Variants in LRRC37A2 observed in about 807,000 individuals in gnomAD.
LRRC37A2 encodes leucine-rich repeat-containing protein 37A2.
Under a neutral mutation model 68.8 loss-of-function variants are expected in LRRC37A2, and 9 were observed. That is an observed-to-expected ratio of 0.13 (90% CI 0.08 to 0.23). LRRC37A2 has a LOEUF of 0.23. Ranked by LOEUF, LRRC37A2 falls within the 10% of genes least tolerant of loss-of-function variation. The pLI, the probability that LRRC37A2 is intolerant of heterozygous loss-of-function variation, is 1.00. For synonymous variants in LRRC37A2, 63 were observed against 367.6 expected (o/e 0.17, Z 9.48); for missense variants, 168 against 950.4 (o/e 0.18, Z 10.82).
the LRRC37A2 span, among the ~76,000 whole-genome samples, chr17:46,461,996 T>C: frequency 2.7e-5 from 2 of 73,680 alleles, no homozygotes; most frequent in East Asian, 5.1e-4. Flanking sequence ...AAACTCCATG[T>C]CAAAAAAAAA....
chr17:46,771,461 C>T, the LRRC37A2 span, among the ~76,000 whole-genome samples: 1 of 149,986 alleles, frequency 6.7e-6, no homozygotes. Context: ...GCCCGGGCCC[C>T]GGGCCGCGCT....
chr17:46,885,081 C>T, the LRRC37A2 span: 47 of 438,520 alleles, frequency 1.1e-4, no homozygotes, highest in Admixed American at 4.7e-4. Context: ...CTCCACCTCC[C>T]GGATTCAAGC....
the LRRC37A2 span, among the ~76,000 whole-genome samples, chr17:47,023,060 C>A: frequency 1.3e-5 from 2 of 152,208 alleles, no homozygotes; most frequent in East Asian, 3.8e-4. Context: ...CTTTTCACTG[C>A]TGGGTATTCT....
chr17:46,936,240 C>T, the LRRC37A2 span: 1 of 985,430 alleles, frequency 1.0e-6, no homozygotes, highest in Non-Finnish European at 1.2e-6. Flanking sequence ...AAAACTGCTA[C>T]TCTCCTTTTC....
chr17:46,440,397 ATTTTT>A, the LRRC37A2 span, among the ~76,000 whole-genome samples: 2 of 64,076 alleles, frequency 3.1e-5, no homozygotes, highest in African/African-American at 8.7e-5. Context: ...ATTTTATTTT[ATTTTT>A]TTTTTTTTTG....
the LRRC37A2 span, among the ~76,000 whole-genome samples, chr17:46,895,119 T>G: frequency 6.6e-5 from 10 of 152,290 alleles, no homozygotes; most frequent in East Asian, 1.9e-3. Context: ...AAGGTGGCCT[T>G]AGGCCCTCCC....
At chr17:46,810,290 A>G in the LRRC37A2 span, among the ~76,000 whole-genome samples, 1 of 152,098 alleles carries the variant, frequency 6.6e-6, no homozygotes, top group Non-Finnish European at 1.5e-5. Flanking sequence ...TTACAGGCGT[A>G]AGCCCCATGC....
the LRRC37A2 span, among the ~76,000 whole-genome samples, chr17:46,710,248 C>T: frequency 1.3e-5 from 2 of 152,166 alleles, no homozygotes; most frequent in African/African-American, 4.8e-5. Context: ...ATTGTAAATA[C>T]TAAAGTTATT....
At chr17:46,992,853 C>CAAAAAAAAAAAAAAAAA in the LRRC37A2 span, among the ~76,000 whole-genome samples, 1 of 65,166 alleles carries the variant, frequency 1.5e-5, no homozygotes, top group Non-Finnish European at 2.6e-5. Flanking sequence ...AACTCCATCT[C>CAAAAAAAAAAAAAAAAA]AAAAAAAAAA....
chr17:46,981,107 C>T, the LRRC37A2 span, among the ~76,000 whole-genome samples: 1 of 152,162 alleles, frequency 6.6e-6, no homozygotes, highest in Non-Finnish European at 1.5e-5. Flanking sequence ...ATAATGCAGG[C>T]AAAAGATGCT....
chr17:46,801,397 A>T, the LRRC37A2 span, among the ~76,000 whole-genome samples: 6 of 152,060 alleles, frequency 3.9e-5, no homozygotes, highest in East Asian at 1.9e-4. Flanking sequence ...AGGTGGGCAC[A>T]TCACCTGAGG....
At position 46,521,645 on chromosome 17, in the gene LRRC37A2, G is replaced by T. The variant is rs1341048160; in HGVS notation, c.2753+1362G>T. 5.6e-5 allele frequency among the ~76,000 whole-genome samples: 4 copies of T among 71,616 alleles called. 1 individual carries two copies. Among genetic ancestry groups the T allele is most frequent in the African/African-American group, 1.9e-4 (4 of 20,926 alleles). The allele number at this position is 71,616 out of a possible 152,430, so 47.0% of individuals were successfully genotyped here. On this transcript the variant is annotated intron_variant, in intron 4 of 14. Transcript: ENST00000576629. ...TCTCGAACATAGAAGAGGAAAAAAT[G>T]CCTTCAATTTGGACCCAGGAGGATG...
chr17:46,945,208 G>A, the LRRC37A2 span, among the ~76,000 whole-genome samples: 2 of 152,178 alleles, frequency 1.3e-5, no homozygotes, highest in South Asian at 4.2e-4. Context: ...GCTGCTGTGG[G>A]CTCTGAGGCC....
chr17:46,912,595 C>T, the LRRC37A2 span, among the ~76,000 whole-genome samples: 4 of 152,208 alleles, frequency 2.6e-5, no homozygotes, highest in African/African-American at 4.8e-5. Context: ...CTGCAGCACC[C>T]GGGGCAACAT....
the LRRC37A2 span, chr17:46,966,973 T>A: frequency 3.1e-6 from 1 of 327,652 alleles, no homozygotes; most frequent in Non-Finnish European, 5.5e-6. Context: ...GTTTTGCTTA[T>A]TTGATTAAAT....
the LRRC37A2 span, among the ~76,000 whole-genome samples, chr17:46,851,181 A>G: frequency 6.6e-6 from 1 of 152,116 alleles, no homozygotes; most frequent in Non-Finnish European, 1.5e-5. The surrounding 1 kb of genome is among the most constrained non-coding windows in gnomAD (Gnocchi z 4.3). Flanking sequence ...CACCGACTCC[A>G]GATGCGTCCC....
the LRRC37A2 span, among the ~76,000 whole-genome samples, chr17:46,835,145 C>A: frequency 4.6e-5 from 7 of 152,148 alleles, no homozygotes; most frequent in African/African-American, 1.7e-4. Context: ...CAGGAACACA[C>A]CACCACACCT....
the LRRC37A2 span, among the ~76,000 whole-genome samples, chr17:46,963,473 A>T: frequency 7.8e-4 from 117 of 150,746 alleles, 2 homozygotes; most frequent in Non-Finnish European, 5.5e-4. Flanking sequence ...TGAACCTGGG[A>T]GGTGGAGGTT....
the LRRC37A2 span, among the ~76,000 whole-genome samples, chr17:46,737,562 GGT>G: frequency 1.6e-5 from 2 of 124,722 alleles, no homozygotes; most frequent in South Asian, 3.3e-4. Flanking sequence ...GTTCACCTAG[GGT>G]GTGTGTGCGT....
Sources: gnomAD v4.1 joint callset for allele counts (sites outside exome capture counted in the v4.1 genomes callset) on GRCh38, gnomAD v4.1.1 for gene constraint, Gnocchi (gnomAD v3.1) non-coding constraint, MANE v1.5 for transcripts, NCBI Gene and HGNC (gene_info 2026-07-23, HGNC 2026-07-21) for gene names.